ADCY2: variants seen among roughly 807,000 people sequenced by gnomAD.
The protein encoded by ADCY2 is adenylate cyclase 2.
In ADCY2, 31 loss-of-function variants were observed where a neutral mutation model predicts 125.2. The observed-to-expected ratio is 0.25, with a 90% CI of 0.19 to 0.33. ADCY2 has a LOEUF of 0.33. Among genes scored for constraint, ADCY2 ranks in the 10% least tolerant of loss-of-function variants. The probability of loss-of-function intolerance (pLI) is 1.00; values close to 1 mark genes in which losing one functional copy is unlikely to be tolerated. For synonymous variants in ADCY2, 512 were observed against 548.4 expected (o/e 0.93, Z 0.93); for missense variants, 904 against 1,418.2 (o/e 0.64, Z 5.82).
intron 18 of ADCY2, among the ~76,000 whole-genome samples, chr5:7,777,286 C>T (rs1314723652): frequency 6.6e-6 from 1 of 152,168 alleles, no homozygotes; most frequent in Non-Finnish European, 1.5e-5. Flanking sequence ...GGGCTGAGGA[C>T]TTTAACACAC....
chr5:7,493,340 G>A (rs940350482), intron 2 of ADCY2, among the ~76,000 whole-genome samples: 1 of 152,134 alleles, frequency 6.6e-6, no homozygotes, highest in Non-Finnish European at 1.5e-5. Flanking sequence ...GGAGTGGCAG[G>A]AAGATGAATA....
At chr5:7,417,130 G>T (rs1739982870) in intron 2 of ADCY2, among the ~76,000 whole-genome samples, 1 of 152,014 alleles carries the variant, frequency 6.6e-6, no homozygotes. Context: ...TCATCAAATG[G>T]CATGGCATGT....
chr5:7,441,196 C>T (rs1431784157), intron 2 of ADCY2, among the ~76,000 whole-genome samples: 8 of 152,070 alleles, frequency 5.3e-5, no homozygotes, highest in South Asian at 2.1e-4. Context: ...GGAGTTGAGG[C>T]GTCCAGCAAT....
At chr5:7,627,212 C>G (rs1738163924) in intron 4 of ADCY2, among the ~76,000 whole-genome samples, 1 of 151,978 alleles carries the variant, frequency 6.6e-6, no homozygotes, top group South Asian at 2.1e-4. Context: ...AGCCAGGTGT[C>G]GTTGTCAGGG....
At chr5:7,717,299 C>G in intron 12 of ADCY2, 62 bp downstream of exon 12, 1 of 1,229,572 alleles carries the variant, frequency 8.1e-7, no homozygotes, top group Non-Finnish European at 1.2e-6. Context: ...TGTATTTTAT[C>G]ATGGGCTCTG....
At chr5:7,796,601 T>C (rs1744429758) in intron 20 of ADCY2, 1 of 152,222 alleles carries the variant, frequency 6.6e-6, no homozygotes, top group Non-Finnish European at 1.5e-5. Flanking sequence ...GGCTGGCTGT[T>C]TGTGTCTACA....
At position 7,784,361 on chromosome 5, in the gene ADCY2, A is replaced by G. The variant is rs764238262; in HGVS notation, c.2385-4A>G. 1.9e-6 allele frequency: 3 copies of G among 1,611,928 alleles called. No homozygotes were observed. Among genetic ancestry groups the G allele is most frequent in the Non-Finnish European group, 1.7e-6 (2 of 1,178,316 alleles). Reference sequence around the variant, plus strand: ...TGTCTGTTTGTCTGTCTGTTTTTTAATAGACCAGGCATTTGGAAAGACCTG... The same window carrying G: ...TGTCTGTTTGTCTGTCTGTTTTTTAGTAGACCAGGCATTTGGAAAGACCTG... On this transcript the variant is annotated splice_region_variant and splice_polypyrimidine_tract_variant and intron_variant, in intron 18 of 24. Coordinates refer to ENST00000338316, the MANE Select transcript of ADCY2 (RefSeq NM_020546.3).
chr5:7,742,128 CAAAA>C (rs1207472213), intron 14 of ADCY2, among the ~76,000 whole-genome samples: 13 of 116,128 alleles, frequency 1.1e-4, no homozygotes, highest in Admixed American at 4.3e-4. Flanking sequence ...GCATAGTGCC[CAAAA>C]AAAAAAAAAA....
chr5:7,613,130 A>C (rs1418256956), intron 3 of ADCY2, among the ~76,000 whole-genome samples: 2 of 151,928 alleles, frequency 1.3e-5, no homozygotes, highest in African/African-American at 4.8e-5. Context: ...CACATTGTAC[A>C]CATGTACCCT....
chr5:7,471,967 T>A (rs1468871201), intron 2 of ADCY2, among the ~76,000 whole-genome samples: 1 of 152,108 alleles, frequency 6.6e-6, no homozygotes, highest in African/African-American at 2.4e-5. Flanking sequence ...TTTGTTTTTG[T>A]TGTCTTTTTT....
intron 2 of ADCY2, among the ~76,000 whole-genome samples, chr5:7,448,791 T>C (rs1380875261): frequency 6.6e-6 from 1 of 152,232 alleles, no homozygotes; most frequent in Non-Finnish European, 1.5e-5. Flanking sequence ...TCTATGTCCC[T>C]GCAAAAGACA....
intron 2 of ADCY2, among the ~76,000 whole-genome samples, chr5:7,434,690 G>A (rs778584826): frequency 1.3e-5 from 2 of 152,204 alleles, no homozygotes; most frequent in African/African-American, 4.8e-5. Context: ...CTAGTTTCTG[G>A]TGTAGCCTCT....
chr5:7,562,329 T>C (rs955420262), intron 3 of ADCY2, among the ~76,000 whole-genome samples: 2 of 152,120 alleles, frequency 1.3e-5, no homozygotes, highest in African/African-American at 4.8e-5. Flanking sequence ...CATCTATGTA[T>C]CTGACGAAGT....
At chr5:7,507,223 C>CCT (rs1743859338) in intron 2 of ADCY2, among the ~76,000 whole-genome samples, 1 of 147,598 alleles carries the variant, frequency 6.8e-6, no homozygotes, top group African/African-American at 2.5e-5. Context: ...GGGCGGATCA[C>CCT]GAGGTCAGGA....
At chr5:7,541,622 G>C (rs1734998779) in intron 3 of ADCY2, among the ~76,000 whole-genome samples, 1 of 152,164 alleles carries the variant, frequency 6.6e-6, no homozygotes, top group South Asian at 2.1e-4. Context: ...GAATTTTCAG[G>C]TACACCTTTC....
At position 7,396,414 on chromosome 5, in the gene ADCY2, A is replaced by C; in HGVS notation, c.118A>C (p.Met40Leu). ...RDWLYESYYC[M>L]SQQHPLIVFL... ...CTGGCTCTACGAGTCCTACTACTGC[A>C]TGAGCCAGCAGCACCCGCTCATCGT... The change falls in exon 1 of 25, where the codon ATG becomes CTG. Residue 40 changes from methionine to leucine, a missense_variant. Coordinates refer to ENST00000338316, the MANE Select transcript of ADCY2 (RefSeq NM_020546.3). This position sits in a 1 kb window ranked among gnomAD's most constrained non-coding sequence, Gnocchi z 5.7. 2 of 1,580,048 alleles carry C rather than the reference A, an allele frequency of 1.3e-6. No individual in the cohort carries two copies. Among genetic ancestry groups the C allele is most frequent in the Non-Finnish European group, 8.6e-7 (1 of 1,163,720 alleles).
intron 4 of ADCY2, among the ~76,000 whole-genome samples, chr5:7,681,046 G>T (rs1047585312): frequency 2.6e-5 from 4 of 152,194 alleles, no homozygotes; most frequent in African/African-American, 9.6e-5. Context: ...CTTTATTTTT[G>T]AGTTTGAGCT....
chr5:7,780,743 T>C (rs965565139), intron 18 of ADCY2, among the ~76,000 whole-genome samples: 1 of 152,230 alleles, frequency 6.6e-6, no homozygotes, highest in Non-Finnish European at 1.5e-5. Context: ...TTTGTGTCTA[T>C]GTGCCTGGAC....
At chr5:7,635,255 A>G (rs1250463417) in intron 4 of ADCY2, among the ~76,000 whole-genome samples, 5 of 152,172 alleles carry the variant, frequency 3.3e-5, no homozygotes, top group Admixed American at 2.6e-4. Context: ...CTCCTAGTAG[A>G]GGATGGGTTG....
Sources: allele counts gnomAD v4.1 joint callset (sites outside exome capture counted in the v4.1 genomes callset), GRCh38; gene constraint gnomAD v4.1.1; non-coding constraint Gnocchi (gnomAD v3.1); transcripts MANE v1.5; gene names NCBI Gene and HGNC (gene_info 2026-07-23, HGNC 2026-07-21).